CDH12: variants seen among roughly 807,000 people sequenced by gnomAD.
The protein encoded by CDH12 is cadherin-12.
Under a neutral mutation model 74.1 loss-of-function variants are expected in CDH12, and 41 were observed. The observed-to-expected ratio is 0.55, with a 90% confidence interval of 0.43 to 0.72. The LOEUF is 0.72. Ranked by LOEUF, CDH12 falls within the 30% of genes least tolerant of loss-of-function variation. The probability of loss-of-function intolerance (pLI) is 0.00; values close to 1 mark genes in which losing one functional copy is unlikely to be tolerated. For missense variants in CDH12, 945 were observed against 977.2 expected (o/e 0.97, Z 0.44); for synonymous variants, 399 against 355.0 (o/e 1.12, Z -1.39).
intron 1 of CDH12, among the ~76,000 whole-genome samples, chr5:22,586,139 A>T (rs899185179): frequency 6.6e-6 from 1 of 152,208 alleles, no homozygotes; most frequent in Non-Finnish European, 1.5e-5. Context: ...GCACATATAT[A>T]CCATGGAATA....
chr5:22,583,198 G>C (rs916671419), intron 1 of CDH12, among the ~76,000 whole-genome samples: 2 of 152,120 alleles, frequency 1.3e-5, no homozygotes, highest in Non-Finnish European at 2.9e-5. Flanking sequence ...TTTAAGGACT[G>C]TTCTATACCC....
intron 1 of CDH12, among the ~76,000 whole-genome samples, chr5:22,584,533 G>A (rs1453378809): frequency 6.6e-6 from 1 of 152,090 alleles, no homozygotes; most frequent in East Asian, 1.9e-4. Flanking sequence ...ATTAGCATTT[G>A]AGTTGTTTTG....
At position 22,571,266 on chromosome 5, in the gene CDH12, T is replaced by C. The variant is rs868757597; in HGVS notation, c.-522-65902A>G. On this transcript the variant is annotated intron_variant, in intron 1 of 14. Transcript: ENST00000382254. ...ACTTGGCTAACTAGTGCAAGAGATGTAACTTTCAGTCTATCTCAACTTTTG... is the reference window on the plus strand; with the variant it reads ...ACTTGGCTAACTAGTGCAAGAGATGCAACTTTCAGTCTATCTCAACTTTTG... Among the ~76,000 whole-genome samples the C allele has an allele frequency of 1.6e-4, 25 of 152,306 alleles. No homozygotes were observed. In the South Asian group the frequency reaches 3.7e-3, roughly 23 times the overall value.
chr5:22,273,523 C>A (rs759850287), intron 3 of CDH12, among the ~76,000 whole-genome samples: 2 of 152,112 alleles, frequency 1.3e-5, no homozygotes, highest in African/African-American at 4.8e-5. Context: ...TAGCTTGGTG[C>A]AAATTGCAAT....
chr5:22,338,772 T>C (rs1739711183), intron 3 of CDH12, among the ~76,000 whole-genome samples: 1 of 152,200 alleles, frequency 6.6e-6, no homozygotes. Context: ...GCAAAGATGA[T>C]GGAGTGTCAT....
chr5:22,641,942 C>G (rs775408422), intron 1 of CDH12, among the ~76,000 whole-genome samples: 10 of 152,114 alleles, frequency 6.6e-5, no homozygotes, highest in African/African-American at 1.2e-4. Context: ...ATTTCCCCTG[C>G]TAGGCTGGGA....
chr5:22,392,033 G>A (rs1021970752), intron 3 of CDH12, among the ~76,000 whole-genome samples: 1 of 152,146 alleles, frequency 6.6e-6, no homozygotes, highest in African/African-American at 2.4e-5. Flanking sequence ...GAGAAAACTT[G>A]TTCTTTACTT....
chr5:22,684,241 GCA>G (rs1289471222), intron 1 of CDH12, among the ~76,000 whole-genome samples: 5 of 152,148 alleles, frequency 3.3e-5, no homozygotes, highest in Non-Finnish European at 5.9e-5. Context: ...GGCATGCAAT[GCA>G]CAGTTATCAC....
intron 1 of CDH12, among the ~76,000 whole-genome samples, chr5:22,729,661 C>A (rs948256275): frequency 6.6e-6 from 1 of 151,852 alleles, no homozygotes; most frequent in Non-Finnish European, 1.5e-5. Context: ...AAGCATTAGA[C>A]TGAATACTTA....
At position 22,570,202 on chromosome 5, in the gene CDH12, C is replaced by T. The variant is rs1490946711; in HGVS notation, c.-522-64838G>A. On this transcript the variant is annotated intron_variant, in intron 1 of 14. Transcript: ENST00000382254. ...TCTCGAGCAGCTGGGATTACAGGCG[C>T]CCACCACCACACCTGGCTAATTTTT... Among the ~76,000 whole-genome samples, 4 of 151,528 alleles carry T rather than the reference C, an allele frequency of 2.6e-5. No individual in the cohort carries two copies. In the East Asian group the frequency reaches 7.8e-4, roughly 30 times the overall value.
chr5:21,972,321 T>C (rs1202740943), intron 6 of CDH12, among the ~76,000 whole-genome samples: 3 of 152,300 alleles, frequency 2.0e-5, no homozygotes, highest in Middle Eastern at 3.4e-3. Context: ...TCATAGGGAA[T>C]ACTTCAAACA....
At chr5:21,988,365 G>A (rs1757601653) in intron 5 of CDH12, among the ~76,000 whole-genome samples, 1 of 151,796 alleles carries the variant, frequency 6.6e-6, no homozygotes. Context: ...GGTGACGGAC[G>A]CCTGTAGTCC....
intron 1 of CDH12, among the ~76,000 whole-genome samples, chr5:22,755,994 A>G (rs1321365295): frequency 6.6e-6 from 1 of 151,434 alleles, no homozygotes; most frequent in Non-Finnish European, 1.5e-5. Flanking sequence ...CTACTAAACC[A>G]TCCTTAAAAC....
At chr5:21,811,502 T>G (rs1747741463) in intron 9 of CDH12, among the ~76,000 whole-genome samples, 1 of 151,744 alleles carries the variant, frequency 6.6e-6, no homozygotes, top group African/African-American at 2.4e-5. Flanking sequence ...TTCCCATTTA[T>G]TCAGTAGCAA....
chr5:22,118,440 C>T (rs998957353), intron 4 of CDH12, among the ~76,000 whole-genome samples: 5 of 152,158 alleles, frequency 3.3e-5, no homozygotes, highest in South Asian at 2.1e-4. Context: ...TCTTGTGACT[C>T]TGGCCTAGAC....
intron 1 of CDH12, among the ~76,000 whole-genome samples, chr5:22,677,306 G>T (rs528171017): frequency 1.3e-5 from 2 of 152,046 alleles, no homozygotes; most frequent in East Asian, 3.9e-4. Flanking sequence ...AATTTATTGC[G>T]CACAGTTACA....
At chr5:22,107,632 T>G (rs905505121) in intron 4 of CDH12, among the ~76,000 whole-genome samples, 2 of 151,996 alleles carry the variant, frequency 1.3e-5, no homozygotes, top group African/African-American at 4.8e-5. Flanking sequence ...TGAAGAATAA[T>G]TATACTGAAA....
At chr5:22,324,071 A>G (rs1738990012) in intron 3 of CDH12, among the ~76,000 whole-genome samples, 1 of 152,184 alleles carries the variant, frequency 6.6e-6, no homozygotes. Context: ...TAGGCATACA[A>G]CACATTTATT....
chr5:21,827,579 T>C (rs567706877), intron 8 of CDH12, among the ~76,000 whole-genome samples: 2 of 152,298 alleles, frequency 1.3e-5, no homozygotes, highest in African/African-American at 2.4e-5. Flanking sequence ...TTTAATACTA[T>C]AGTTCTACTA....
Sources: allele counts gnomAD v4.1 joint callset (sites outside exome capture counted in the v4.1 genomes callset), GRCh38; gene constraint gnomAD v4.1.1; transcripts MANE v1.5; gene names NCBI Gene and HGNC (gene_info 2026-07-23, HGNC 2026-07-21).